The following UMPS variants were observed in gnomAD, a reference collection of about 807,000 sequenced individuals.
The protein encoded by UMPS is uridine 5'-monophosphate synthase.
Under a neutral mutation model 38.9 loss-of-function variants are expected in UMPS, and 21 were observed. The ratio of observed to expected loss-of-function variants is 0.54; its 90% CI spans 0.38 to 0.78. UMPS has a LOEUF of 0.78. Ranked by LOEUF, UMPS falls within the 30% of genes least tolerant of loss-of-function variation. The pLI, the probability that UMPS is intolerant of heterozygous loss-of-function variation, is 0.00. For missense variants in UMPS, 533 were observed against 591.6 expected, an observed-to-expected ratio of 0.90 and a Z score of 1.03; for synonymous variants, 208 against 219.3, an observed-to-expected ratio of 0.95 and a Z score of 0.45.
At chr3:124,735,045 A>G in intron 1 of UMPS, 48 bp from the exon 2 acceptor site, 1 of 1,513,842 alleles carries the variant, frequency 6.6e-7, no homozygotes, top group Non-Finnish European at 9.0e-7. Flanking sequence ...ATAAAATAAA[A>G]TAAAATAGTT....
rs1476831611 is a variant in UMPS at position 124,745,096 on chromosome 3, T to G, written c.*1012T>G. On this transcript the variant is annotated 3_prime_UTR_variant, in exon 6 of 6. Transcript: ENST00000232607. ...ACAATTAGGAGGTCTAAGATTCCATTTGGGTATTTGCTTAAGGATCCCACA... is the reference window on the plus strand; with the variant it reads ...ACAATTAGGAGGTCTAAGATTCCATGTGGGTATTTGCTTAAGGATCCCACA... 4.4e-6 allele frequency: 2 copies of G among 453,984 alleles called. No homozygotes were observed. The highest frequency in any genetic ancestry group is 4.0e-5 in the African/African-American group (2 of 49,994). 28.1% of individuals were successfully genotyped at this position (453,984 alleles called of 1,614,324 possible).
In UMPS at chr3:124,730,480, C is replaced by A; in HGVS notation, c.9C>A (p.Val3=). 1.9e-6 allele frequency: 3 copies of A among 1,614,120 alleles called. No individual in the cohort carries two copies. The highest frequency in any genetic ancestry group is 2.5e-6 in the Non-Finnish European group (3 of 1,179,964). MA[V]ARAALGPLVT... ...ACAGGCAGCGCGCGACAATGGCGGT[C>A]GCTCGTGCAGCTTTGGGGCCATTGG... The change falls in exon 1 of 6, where the codon GTC becomes GTA. Residue 3 remains valine, a synonymous_variant. Transcript: ENST00000232607.
Position 124,730,504 on chromosome 3 carries a change from G to A in UMPS, c.33G>A (p.Leu11=), listed in dbSNP as rs747016038. The change falls in exon 1 of 6, where the codon TTG becomes TTA. Residue 11 remains leucine (L), a synonymous_variant. Transcript: ENST00000232607. MAVARAALGP[L]VTGLYDVQAF... ...TCGCTCGTGCAGCTTTGGGGCCATT[G>A]GTGACGGGTCTGTACGACGTGCAGG... The A allele has an allele frequency of 1.1e-5, 18 of 1,614,086 alleles. No individual in the cohort carries two copies. Among genetic ancestry groups the A allele is most frequent in the Middle Eastern group, 1.6e-4 (1 of 6,084 alleles).
In UMPS at chr3:124,734,184, G is replaced by GT. The variant is rs941875478; in HGVS notation, c.157-902dup. On this transcript the variant is annotated intron_variant, in intron 1 of 5. Transcript: ENST00000232607. ...AAATAGTCATAGTTTTTTTTTGTTTGTTTTTTTACTCTTTAGAAGTACTGG... is the reference window on the plus strand; with the variant it reads ...AAATAGTCATAGTTTTTTTTTGTTTGTTTTTTTTACTCTTTAGAAGTACTGG... Among the ~76,000 whole-genome samples the GT allele has an allele frequency of 5.2e-4, 78 of 150,936 alleles. 1 individual carries two copies. The highest frequency in any genetic ancestry group is 1.8e-3 in the Admixed American group (27 of 15,180).
intron 1 of UMPS, among the ~76,000 whole-genome samples, chr3:124,730,965 A>T (rs2063471440): frequency 1.3e-5 from 2 of 152,302 alleles, no homozygotes; most frequent in East Asian, 3.9e-4. Flanking sequence ...GTGGTGCCTC[A>T]TGAGAGTAAT....
rs931273841 is a variant in UMPS, at chr3:124,747,169, C to T, written c.*3085C>T. Reference sequence around the variant, plus strand: ...CCTCTCGAGTGGCTGGAACTACAGGCGTGCACCACCACAGCTGGTTAATTT... The same window carrying T: ...CCTCTCGAGTGGCTGGAACTACAGGTGTGCACCACCACAGCTGGTTAATTT... On this transcript the variant is annotated 3_prime_UTR_variant, in exon 6 of 6. Coordinates refer to ENST00000232607, the MANE Select transcript of UMPS (RefSeq NM_000373.4). The T allele has an allele frequency of 2.6e-5, 12 of 453,762 alleles. No homozygotes were observed. The highest frequency in any genetic ancestry group is 6.8e-4 in the Middle Eastern group (1 of 1,466). 28.1% of individuals were successfully genotyped at this position (453,762 alleles called of 1,614,324 possible).
chr3:124,737,651 G>A lies in UMPS; in HGVS notation c.394G>A (p.Val132Ile), dbSNP rs1462194385. ...AGATGTTGTCACCAGTGGATCTAGT[G>A]TTTTGGAAACTGTTGAGGTTCTTCA... is the stretch of plus-strand genomic sequence containing the variant. ...IEDVVTSGSS[V>I]LETVEVLQKE... Residue 132 changes from valine to isoleucine, a missense_variant, in exon 3 of 6, where the codon GTT (valine) becomes ATT (isoleucine). Val to Ile is a conservative substitution (Grantham distance 29). Coordinates refer to ENST00000232607, the MANE Select transcript of UMPS (RefSeq NM_000373.4). The A allele has an allele frequency of 6.2e-7, 1 of 1,614,226 alleles. No homozygotes were observed.
At position 124,737,804 on chromosome 3, in the gene UMPS, C is replaced by G; in HGVS notation, c.547C>G (p.Leu183Val). 2 of 1,614,180 alleles carry G rather than the reference C, an allele frequency of 1.2e-6. No homozygotes were observed. The highest frequency in any genetic ancestry group is 1.7e-6 in the Non-Finnish European group (2 of 1,180,036). The change falls in exon 3 of 6, where the codon CTC (leucine) becomes GTC (valine). Residue 183 changes from leucine to valine, a missense_variant. Physicochemically the swap from Leu to Val is conservative, Grantham distance 32. Coordinates refer to ENST00000232607, the MANE Select transcript of UMPS (RefSeq NM_000373.4). ...VCTLSKMLEI[L>V]EQQKKVDAET... ...TACATTGTCCAAAATGCTGGAGATT[C>G]TCGAGCAGCAGAAAAAAGTTGATGC...
In UMPS at chr3:124,748,430, C is replaced by A; in HGVS notation, c.*4346C>A. ...CCAAAGGAAGGCCGCAATAGAAATA[C>A]AAAGAGAAACAAAATAATTAGAATA... is the stretch of plus-strand genomic sequence containing the variant. On this transcript the variant is annotated 3_prime_UTR_variant, in exon 6 of 6. Coordinates refer to ENST00000232607, the MANE Select transcript of UMPS (RefSeq NM_000373.4). 2.2e-6 allele frequency: 1 copy of A among 453,876 alleles called. No homozygotes were observed. Among genetic ancestry groups the A allele is most frequent in the Non-Finnish European group, 4.4e-6 (1 of 226,754 alleles). The allele number at this position is 453,876 out of a possible 1,614,324, so 28.1% of individuals were successfully genotyped here. A position where few individuals can be genotyped will look rare whatever the true frequency, so the allele number is the denominator to read the frequency against.
chr3:124,737,930 C>T lies in UMPS; in HGVS notation c.673C>T (p.Leu225Phe). 1 of 1,614,240 alleles carries T rather than the reference C, an allele frequency of 6.2e-7. No individual in the cohort carries two copies. The highest frequency in any genetic ancestry group is 8.5e-7 in the Non-Finnish European group (1 of 1,180,046). ...TTCTATAAAGGAAGCACCCAAAGAA[C>T]TCAGCTTCGGTGCACGTGCAGAGCT... ...PLSIKEAPKE[L>F]SFGARAELPR... is the part of the protein sequence containing the mutation. Residue 225 changes from leucine to phenylalanine, a missense_variant, in exon 3 of 6, where the codon CTC becomes TTC. Transcript: ENST00000232607.
In UMPS at chr3:124,738,043, G is replaced by C; in HGVS notation, c.786G>C (p.Leu262=). The C allele has an allele frequency of 6.8e-6, 11 of 1,614,206 alleles. No individual in the cohort carries two copies. Among genetic ancestry groups the C allele is most frequent in the Non-Finnish European group, 9.3e-6 (11 of 1,180,036 alleles). Residue 262 remains leucine, a synonymous_variant, in exon 3 of 6, where the codon CTG becomes CTC. Transcript: ENST00000232607. ...TNLCLSADVS[L]ARELLQLADA... ...TGTGTCTATCTGCTGATGTTTCACT[G>C]GCCAGAGAGCTGTTGCAGCTAGCAG...
At position 124,749,175 on chromosome 3, in the gene UMPS, G is replaced by C. The variant is rs2063627560; in HGVS notation, c.*5091G>C. 1 of 453,876 alleles carries C rather than the reference G, an allele frequency of 2.2e-6. No homozygotes were observed. Among genetic ancestry groups the C allele is most frequent in the South Asian group, 1.6e-5 (1 of 64,468 alleles). 28.1% of individuals were successfully genotyped at this position (453,876 alleles called of 1,614,324 possible). On this transcript the variant is annotated 3_prime_UTR_variant, in exon 6 of 6. Transcript: ENST00000232607. ...GCAATGTTGTTTTCTGCCACAACTT[G>C]AATAGATACTTGAAGCAGAGATGAT...
Position 124,745,387 on chromosome 3 carries a change from A to G in UMPS, c.*1303A>G, listed in dbSNP as rs1559908836. 2 of 449,600 alleles carry G rather than the reference A, an allele frequency of 4.4e-6. No homozygotes were observed. The highest frequency in any genetic ancestry group is 7.0e-5 in the East Asian group (1 of 14,268). 27.9% of individuals were successfully genotyped at this position (449,600 alleles called of 1,614,324 possible). A position where few individuals can be genotyped will look rare whatever the true frequency, so the allele number is the denominator to read the frequency against. ...CCTAGGATTTTTTTTTTTTTTTGAGACAGAATCTCACTGTCGCCCAGGCTG... is the reference window on the plus strand; with the variant it reads ...CCTAGGATTTTTTTTTTTTTTTGAGGCAGAATCTCACTGTCGCCCAGGCTG... On this transcript the variant is annotated 3_prime_UTR_variant, in exon 6 of 6. Transcript: ENST00000232607.
At position 124,747,428 on chromosome 3, in the gene UMPS, CAG is replaced by C; in HGVS notation, c.*3345_*3346del. 1 of 454,066 alleles carries C rather than the reference CAG, an allele frequency of 2.2e-6. No individual in the cohort carries two copies. The highest frequency in any genetic ancestry group is 4.4e-6 in the Non-Finnish European group (1 of 226,540). 28.1% of individuals were successfully genotyped at this position (454,066 alleles called of 1,614,324 possible). ...AAGTACCCGGTGGGTGGGAGTCACTCAGTACCAGTTCCGAGCCTGAACCCAAA... is the reference window on the plus strand; with the variant it reads ...AAGTACCCGGTGGGTGGGAGTCACTCTACCAGTTCCGAGCCTGAACCCAAA... On this transcript the variant is annotated 3_prime_UTR_variant, in exon 6 of 6. Coordinates refer to ENST00000232607, the MANE Select transcript of UMPS (RefSeq NM_000373.4).
intron 3 of UMPS, among the ~76,000 whole-genome samples, chr3:124,739,715 T>C (rs2063542940): frequency 1.3e-5 from 2 of 152,208 alleles, no homozygotes; most frequent in South Asian, 4.1e-4. Flanking sequence ...GCATGAGCTT[T>C]ATTTGTGGTC....
rs1248683628 is a variant in UMPS at position 124,747,807 on chromosome 3, G to T, written c.*3723G>T. 1.1e-5 allele frequency: 5 copies of T among 450,192 alleles called. No individual in the cohort carries two copies. Among genetic ancestry groups the T allele is most frequent in the Non-Finnish European group, 2.2e-5 (5 of 223,584 alleles). The allele number at this position is 450,192 out of a possible 1,614,324, so 27.9% of individuals were successfully genotyped here. ...AACCATCACCTCTGGCTGCATCAGC[G>T]ATCTCTCCCAGCGAAATAGCTGCTT... On this transcript the variant is annotated 3_prime_UTR_variant, in exon 6 of 6. Transcript: ENST00000232607.
Position 124,735,176 on chromosome 3 carries a change from A to C in UMPS, c.240A>C (p.Pro80=). The change falls in exon 2 of 6, where the codon CCA becomes CCC. Residue 80 remains proline (P), a synonymous_variant. Transcript: ENST00000232607. ...TVCGVPYTAL[P]LATVICSTNQ... ...GTGGAGTGCCTTATACAGCTTTGCC[A>C]TTGGCTACAGTTATCTGTTCAACCA... The C allele has an allele frequency of 6.2e-7, 1 of 1,614,178 alleles. No homozygotes were observed. Among genetic ancestry groups the C allele is most frequent in the Non-Finnish European group, 8.5e-7 (1 of 1,179,988 alleles).
intron 4 of UMPS, among the ~76,000 whole-genome samples, chr3:124,741,211 G>T (rs1419931932): frequency 6.6e-6 from 1 of 152,166 alleles, no homozygotes; most frequent in Non-Finnish European, 1.5e-5. Flanking sequence ...CTGGGAGTCT[G>T]GGTCTGGCTC....
chr3:124,734,696 T>TA (rs781364782), intron 1 of UMPS, among the ~76,000 whole-genome samples: 2 of 152,246 alleles, frequency 1.3e-5, no homozygotes, highest in African/African-American at 2.4e-5. Context: ...TCTTTTCTGT[T>TA]ACGTTGTTAC....
Sources: gnomAD v4.1 joint callset for allele counts (sites outside exome capture counted in the v4.1 genomes callset) on GRCh38, gnomAD v4.1.1 for gene constraint, MANE v1.5 for transcripts, NCBI Gene and HGNC (gene_info 2026-07-23, HGNC 2026-07-21) for gene names.